The following SGCE variants were observed in gnomAD, a reference collection of about 807,000 sequenced individuals.
SGCE encodes sarcoglycan epsilon, also known as epsilon-sarcoglycan.
A neutral mutation model predicts 57.8 loss-of-function variants in SGCE; 26 were observed. The ratio of observed to expected loss-of-function variants is 0.45; its 90% CI spans 0.33 to 0.62. SGCE has a LOEUF of 0.62. Ranked by LOEUF, SGCE falls within the 20% of genes least tolerant of loss-of-function variation. The probability of loss-of-function intolerance (pLI) is 0.02; values close to 1 mark genes in which losing one functional copy is unlikely to be tolerated. For synonymous variants in SGCE, 183 were observed against 189.5 expected, an observed-to-expected ratio of 0.97 and a Z score of 0.28; for missense variants, 468 against 548.6, an observed-to-expected ratio of 0.85 and a Z score of 1.47.
intron 1 of SGCE, among the ~76,000 whole-genome samples, chr7:94,647,686 G>T (rs13245233): frequency 0.13 from 19,467 of 152,104 alleles, 1,502 homozygotes; most frequent in South Asian, 0.25. Context: ...CTGCTCCAAC[G>T]CCACTGGACT....
rs569930848 is a variant in SGCE at position 94,587,010 on chromosome 7, A to C, written c.1298-1495T>G. The C allele has an allele frequency of 2.5e-5, 25 of 983,278 alleles. No individual in the cohort carries two copies. In the East Asian group the frequency reaches 2.5e-3, roughly 98 times the overall value. 60.9% of individuals were successfully genotyped at this position (983,278 alleles called of 1,614,324 possible). A position where few individuals can be genotyped will look rare whatever the true frequency, so the allele number is the denominator to read the frequency against. On this transcript the variant is annotated intron_variant, in intron 10 of 10. Transcript: ENST00000648936. ...TTGCAGAAAAATGTAAGAAAACAAG[A>C]AGGTAATAGGCTCTAGTGTTAACTA...
intron 1 of SGCE, among the ~76,000 whole-genome samples, chr7:94,652,153 T>C (rs1807985391): frequency 6.6e-6 from 1 of 152,144 alleles, no homozygotes; most frequent in Admixed American, 6.5e-5. Context: ...GATATTTCTG[T>C]GAAGCTATGG....
intron 5 of SGCE, chr7:94,617,297 TA>T (rs1311124548): frequency 2.0e-5 from 3 of 152,210 alleles, no homozygotes; most frequent in Admixed American, 6.5e-5. Flanking sequence ...GTTCAGGTTC[TA>T]AAAGTACCTC....
chr7:94,599,512 C>A, intron 8 of SGCE, 185 bp downstream of exon 8: 2 of 593,026 alleles, frequency 3.4e-6, no homozygotes, highest in East Asian at 5.6e-5. Flanking sequence ...AGTTTTCAAA[C>A]CCTTTTTAGT....
rs920689829 is a variant in SGCE, at chr7:94,618,767, A to G, written c.653T>C (p.Leu218Pro). ...ATAAAGATCTGCTTACCCCTCCTTC[A>G]GGTCATTAATGGGAAGTGGCACCCT... ...GGRVPLPIND[L>P]KEGVYVMVGA... is the part of the protein sequence containing the mutation. The change falls in exon 5 of 11, where the codon CTG becomes CCG. Residue 218 changes from leucine to proline, a missense_variant. Coordinates refer to ENST00000648936, the MANE Select transcript of SGCE (RefSeq NM_003919.3). The G allele has an allele frequency of 6.2e-7, 1 of 1,613,494 alleles. No homozygotes were observed. Among genetic ancestry groups the G allele is most frequent in the Non-Finnish European group, 8.5e-7 (1 of 1,179,476 alleles).
intron 9 of SGCE, among the ~76,000 whole-genome samples, chr7:94,592,837 G>T (rs1373843069): frequency 5.3e-5 from 8 of 152,090 alleles, no homozygotes; most frequent in Non-Finnish European, 1.2e-4. Flanking sequence ...TAAAGCCACA[G>T]AATCCATGCC....
chr7:94,638,866 G>A (rs1428695366), intron 1 of SGCE, among the ~76,000 whole-genome samples: 1 of 152,086 alleles, frequency 6.6e-6, no homozygotes, highest in African/African-American at 2.4e-5. Context: ...GAAAACAAGT[G>A]CCACTAAGTA....
At chr7:94,587,961 C>G in intron 10 of SGCE, 1 of 1,426,480 alleles carries the variant, frequency 7.0e-7, no homozygotes, top group African/African-American at 1.5e-5. Context: ...CCACACCCAA[C>G]TTACATTTTT....
intron 1 of SGCE, among the ~76,000 whole-genome samples, chr7:94,646,067 C>T (rs973504368): frequency 1.3e-5 from 2 of 152,190 alleles, no homozygotes; most frequent in African/African-American, 4.8e-5. Flanking sequence ...CCACTACACT[C>T]GTTGTCCAAG....
intron 5 of SGCE, among the ~76,000 whole-genome samples, chr7:94,606,394 T>C (rs1800148083): frequency 6.6e-6 from 1 of 152,184 alleles, no homozygotes; most frequent in Admixed American, 6.5e-5. Context: ...AGGCATTACA[T>C]AATGATAAAG....
intron 1 of SGCE, among the ~76,000 whole-genome samples, chr7:94,650,449 A>G (rs1330441537): frequency 2.1e-5 from 3 of 139,698 alleles, no homozygotes; most frequent in Non-Finnish European, 5.0e-5. Context: ...TTGCAGGGGG[A>G]AAAGGAATCT....
intron 5 of SGCE, chr7:94,618,147 T>C (rs1449640048): frequency 6.6e-6 from 1 of 152,304 alleles, no homozygotes; most frequent in African/African-American, 2.4e-5. Flanking sequence ...AACTGACAAA[T>C]ACCTTTCAAA....
At chr7:94,588,978 A>G (rs1797278847) in intron 9 of SGCE, 1 of 516,246 alleles carries the variant, frequency 1.9e-6, no homozygotes, top group South Asian at 2.1e-5. Flanking sequence ...GTACCTCACA[A>G]CAACCCTAAG....
intron 1 of SGCE, among the ~76,000 whole-genome samples, chr7:94,651,872 T>C (rs538908732): frequency 6.6e-5 from 10 of 152,250 alleles, no homozygotes; most frequent in African/African-American, 2.4e-4. Flanking sequence ...AAAACTTGAA[T>C]CAGAAACATA....
chr7:94,640,027 T>TA (rs1239664625), intron 1 of SGCE, among the ~76,000 whole-genome samples: 3 of 151,904 alleles, frequency 2.0e-5, no homozygotes, highest in African/African-American at 7.3e-5. Context: ...GACATGGAGA[T>TA]AATGGAGATA....
intron 1 of SGCE, among the ~76,000 whole-genome samples, chr7:94,647,400 C>T (rs1450307276): frequency 1.3e-5 from 2 of 152,136 alleles, no homozygotes; most frequent in African/African-American, 2.4e-5. Flanking sequence ...CCCATCACCA[C>T]GCTAGCCCAC....
At chr7:94,606,523 T>C (rs2116763261) in intron 5 of SGCE, among the ~76,000 whole-genome samples, 1 of 152,298 alleles carries the variant, frequency 6.6e-6, no homozygotes, top group African/African-American at 2.4e-5. Flanking sequence ...GAATCCACTA[T>C]TATAGCTGGA....
chr7:94,589,347 C>G (rs1203032677), intron 9 of SGCE: 1 of 155,900 alleles, frequency 6.4e-6, no homozygotes, highest in Non-Finnish European at 1.4e-5. Flanking sequence ...CTGCCCCATT[C>G]CTCCCCATCT....
intron 10 of SGCE, 140 bp from the exon 11 acceptor site, chr7:94,585,655 C>T (rs992054549): frequency 3.0e-6 from 2 of 658,958 alleles, no homozygotes; most frequent in Admixed American, 4.4e-5. Context: ...CATTATTTCT[C>T]TGTATTTGGT....
Sources: allele counts gnomAD v4.1 joint callset (sites outside exome capture counted in the v4.1 genomes callset), GRCh38; gene constraint gnomAD v4.1.1; transcripts MANE v1.5; gene names NCBI Gene and HGNC (gene_info 2026-07-23, HGNC 2026-07-21).